The following SZRD1 variants were observed in gnomAD, a reference collection of about 807,000 sequenced individuals.
SZRD1 encodes SUZ RNA-binding domain-containing.
In SZRD1, 7 loss-of-function variants were observed where a neutral mutation model predicts 17.6. The ratio of observed to expected loss-of-function variants is 0.40; its 90% CI spans 0.23 to 0.75. The LOEUF is 0.75. Among genes scored for constraint, SZRD1 ranks in the 30% least tolerant of loss-of-function variants. SZRD1 has a pLI of 0.38. For synonymous variants in SZRD1, 77 were observed against 77.9 expected (o/e 0.99, Z 0.06); for missense variants, 178 against 201.8 (o/e 0.88, Z 0.71).
Position 16,367,275 on chromosome 1 carries a change from C to T in SZRD1, c.18C>T (p.Val6=), listed in dbSNP as rs755626121. 4 of 1,548,606 alleles carry T rather than the reference C, an allele frequency of 2.6e-6. No individual in the cohort carries two copies. Among genetic ancestry groups the T allele is most frequent in the East Asian group, 2.4e-5 (1 of 40,850 alleles). Residue 6 remains valine, a synonymous_variant, in exon 1 of 4, where the codon GTC becomes GTT. Transcript: ENST00000401088. The part of the protein sequence containing the change: MEDEE[V]AESWEEAADS... ...CGAGTAAGATGGAAGATGAGGAGGT[C>T]GCTGAGAGCTGGGAAGAGGCGGCAG...
intron 1 of SZRD1, among the ~76,000 whole-genome samples, chr1:16,384,227 TG>T (rs2083152062): frequency 1.3e-5 from 2 of 152,106 alleles, no homozygotes; most frequent in Non-Finnish European, 2.9e-5. Context: ...GAGAAGTCCA[TG>T]GATTGTACAT....
chr1:16,368,732 G>A (rs1164540191), intron 1 of SZRD1, among the ~76,000 whole-genome samples: 1 of 152,178 alleles, frequency 6.6e-6, no homozygotes, highest in Non-Finnish European at 1.5e-5. Flanking sequence ...AACATTTTCG[G>A]TACAGGCGTT....
intron 1 of SZRD1, among the ~76,000 whole-genome samples, chr1:16,368,751 A>G (rs1557619483): frequency 6.6e-6 from 1 of 152,210 alleles, no homozygotes; most frequent in Non-Finnish European, 1.5e-5. Flanking sequence ...TTTATTGCCT[A>G]CCACTAATCT....
At chr1:16,370,447 G>A (rs1426822493) in intron 1 of SZRD1, among the ~76,000 whole-genome samples, 3 of 151,612 alleles carry the variant, frequency 2.0e-5, no homozygotes, top group South Asian at 2.1e-4. Flanking sequence ...CGCTGATCTC[G>A]AACTCCTGGC....
At chr1:16,392,603 AGGTTTCTCT>A (rs1284912763) in intron 2 of SZRD1, among the ~76,000 whole-genome samples, 2 of 152,114 alleles carry the variant, frequency 1.3e-5, no homozygotes, top group Non-Finnish European at 2.9e-5. Context: ...CTGGCAAGGG[AGGTTTCTCT>A]GTTCAGAAGC....
intron 1 of SZRD1, among the ~76,000 whole-genome samples, chr1:16,370,913 G>T (rs2082903416): frequency 6.6e-6 from 1 of 152,180 alleles, no homozygotes; most frequent in Non-Finnish European, 1.5e-5. Context: ...TGAAAGAGGG[G>T]AGCCAGGGAG....
chr1:16,386,222 C>T (rs1248793463), intron 1 of SZRD1, among the ~76,000 whole-genome samples: 1 of 152,246 alleles, frequency 6.6e-6, no homozygotes, highest in Non-Finnish European at 1.5e-5. Flanking sequence ...TGCCCTAGCA[C>T]TTGCCTTGTG....
chr1:16,386,952 C>T (rs1421906355), intron 1 of SZRD1: 6 of 196,734 alleles, frequency 3.0e-5, no homozygotes, highest in Admixed American at 1.7e-4. Context: ...CCTCAAAAGG[C>T]GAATTCTAGG....
intron 1 of SZRD1, chr1:16,387,077 ATGTC>A (rs565569093): frequency 1.5e-3 from 494 of 319,650 alleles, no homozygotes; most frequent in Non-Finnish European, 2.5e-3. Context: ...CAGAAAATGA[ATGTC>A]TGGGGAAGAA....
At chr1:16,374,174 C>A (rs1257976392) in intron 1 of SZRD1, among the ~76,000 whole-genome samples, 1 of 152,158 alleles carries the variant, frequency 6.6e-6, no homozygotes, top group African/African-American at 2.4e-5. Context: ...TTTGTGGTAT[C>A]ACAGAAAGCA....
At chr1:16,390,077 A>G (rs1417972756) in intron 1 of SZRD1, among the ~76,000 whole-genome samples, 1 of 152,238 alleles carries the variant, frequency 6.6e-6, no homozygotes. Flanking sequence ...GAGAACCACC[A>G]TTAGAGATCT....
At chr1:16,381,647 G>A (rs1193943886) in intron 1 of SZRD1, among the ~76,000 whole-genome samples, 2 of 151,968 alleles carry the variant, frequency 1.3e-5, no homozygotes, top group Non-Finnish European at 2.9e-5. Context: ...GAAGCTCGTT[G>A]AAGGCCGAGT....
At chr1:16,382,976 C>T (rs958345923) in intron 1 of SZRD1, among the ~76,000 whole-genome samples, 2 of 152,096 alleles carry the variant, frequency 1.3e-5, no homozygotes, top group Non-Finnish European at 1.5e-5. Flanking sequence ...AGCGATTCTC[C>T]TGCCTCAGCC....
At chr1:16,375,064 G>T (rs1442935269) in intron 1 of SZRD1, among the ~76,000 whole-genome samples, 1 of 152,040 alleles carries the variant, frequency 6.6e-6, no homozygotes, top group Non-Finnish European at 1.5e-5. Flanking sequence ...TTTTAGTAGA[G>T]ATGGGGTTTC....
At chr1:16,369,247 A>G in intron 1 of SZRD1, 1 of 569,052 alleles carries the variant, frequency 1.8e-6, no homozygotes, top group Non-Finnish European at 3.1e-6. Flanking sequence ...CCAATCACGT[A>G]AATTATTCTT....
chr1:16,367,370 G>A (rs1282563444), intron 1 of SZRD1, 62 bp downstream of exon 1: 49 of 1,469,724 alleles, frequency 3.3e-5, no homozygotes, highest in Non-Finnish European at 4.5e-5. Flanking sequence ...GGGAGCCTCC[G>A]GGGAGCGGGT....
At position 16,391,303 on chromosome 1, in the gene SZRD1, T is replaced by C. The variant is rs2085218168; in HGVS notation, c.52-72T>C. The C allele has an allele frequency of 8.6e-7, 1 of 1,165,546 alleles. No individual in the cohort carries two copies. Among genetic ancestry groups the C allele is most frequent in the African/African-American group, 1.5e-5 (1 of 65,182 alleles). 72.2% of individuals were successfully genotyped at this position (1,165,546 alleles called of 1,614,324 possible). ...CTAGAGAAAGGACACTGCCCTTAGCTCCAAAAATAAAGACTAAGTTTTTAT... is the reference window on the plus strand; with the variant it reads ...CTAGAGAAAGGACACTGCCCTTAGCCCCAAAAATAAAGACTAAGTTTTTAT... On this transcript the variant is annotated intron_variant, in intron 1 of 3. Coordinates refer to ENST00000401088, the MANE Select transcript of SZRD1 (RefSeq NM_001114600.3). This position sits in a 1 kb window ranked among gnomAD's most constrained non-coding sequence, Gnocchi z 4.3.
At chr1:16,387,060 G>C (rs61770604) in intron 1 of SZRD1, 27,304 of 320,654 alleles carry the variant, frequency 0.085, 1,520 homozygotes, top group Non-Finnish European at 0.12. Context: ...AACAGGGCTG[G>C]TGTGAGCAGA....
chr1:16,373,141 A>G (rs1569997553), intron 1 of SZRD1, among the ~76,000 whole-genome samples: 2 of 151,732 alleles, frequency 1.3e-5, no homozygotes, highest in South Asian at 2.1e-4. Flanking sequence ...ATGAGACCAC[A>G]GAGGTATGTA....
Sources: allele counts gnomAD v4.1 joint callset (sites outside exome capture counted in the v4.1 genomes callset), GRCh38; gene constraint gnomAD v4.1.1; non-coding constraint Gnocchi (gnomAD v3.1); transcripts MANE v1.5; gene names NCBI Gene and HGNC (gene_info 2026-07-23, HGNC 2026-07-21).